TLN2: variants seen among roughly 807,000 people sequenced by gnomAD.
TLN2 encodes the protein talin 2, also known as talin-2.
TLN2 carries 118 observed loss-of-function variants against 294.7 expected under a neutral mutation model. That is an observed-to-expected ratio of 0.40 (90% confidence interval 0.34 to 0.47). The LOEUF (loss-of-function observed/expected upper bound fraction) is 0.47. Ranked by LOEUF, TLN2 falls within the 20% of genes least tolerant of loss-of-function variation. TLN2 has a pLI of 0.84. For synonymous variants in TLN2, 1,431 were observed against 1,304.5 expected, an observed-to-expected ratio of 1.10 and a Z score of -2.09; for missense variants, 3,083 against 3,282.2, an observed-to-expected ratio of 0.94 and a Z score of 1.48.
intron 1 of TLN2, among the ~76,000 whole-genome samples, chr15:62,500,302 C>G (rs1474204378): frequency 6.6e-6 from 1 of 152,176 alleles, no homozygotes; most frequent in Non-Finnish European, 1.5e-5. Context: ...TGCACCATTG[C>G]TCTCCAGCCT....
rs1258397380 is a variant in TLN2 at position 62,592,587 on chromosome 15, G to T, written c.-162+2825G>T. 2.0e-5 allele frequency among the ~76,000 whole-genome samples: 3 copies of T among 152,210 alleles called. No homozygotes were observed. In the East Asian group the frequency reaches 5.8e-4, roughly 29 times the overall value. ...TATAAAGTCTGAATAAATGCTAGGA[G>T]GAGCTTTTATTTTGACATAAACCAG... On this transcript the variant is annotated intron_variant, in intron 2 of 58. Transcript: ENST00000636159.
Position 62,707,148 on chromosome 15 carries a change from A to G in TLN2, c.2067A>G (p.Ala689=), listed in dbSNP as rs764171240. Residue 689 remains alanine (A), a synonymous_variant, in exon 20 of 59, where the codon GCA becomes GCG. Coordinates refer to ENST00000636159, the MANE Select transcript of TLN2 (RefSeq NM_015059.3). The part of the protein sequence containing the change: ...ANAAAMLVLK[A]KNVAQVAEDT... ...CAGCTGCCATGTTGGTACTAAAGGCAAAGAATGTTGCCCAAGTGGCCGAAG... is the reference window on the plus strand; with the variant it reads ...CAGCTGCCATGTTGGTACTAAAGGCGAAGAATGTTGCCCAAGTGGCCGAAG... 6.2e-6 allele frequency: 10 copies of G among 1,614,134 alleles called. No individual in the cohort carries two copies. In the Admixed American group the frequency reaches 1.7e-4, roughly 27 times the overall value.
At chr15:62,671,340 A>C (rs1484334694) in intron 9 of TLN2, among the ~76,000 whole-genome samples, 1 of 152,140 alleles carries the variant, frequency 6.6e-6, no homozygotes, top group Non-Finnish European at 1.5e-5. Flanking sequence ...ATTGTATCTA[A>C]AAACTCTTTG....
intron 2 of TLN2, among the ~76,000 whole-genome samples, chr15:62,609,621 G>A (rs1596331632): frequency 6.6e-6 from 1 of 152,278 alleles, no homozygotes; most frequent in East Asian, 1.9e-4. Flanking sequence ...CGTCGTTGGC[G>A]GGAATATCAC....
chr15:62,493,248 G>C (rs1475099931), intron 1 of TLN2, among the ~76,000 whole-genome samples: 2 of 152,262 alleles, frequency 1.3e-5, no homozygotes, highest in East Asian at 3.9e-4. Flanking sequence ...CCATGCTCCA[G>C]GTGCTTGTTG....
intron 1 of TLN2, chr15:62,476,433 C>G (rs2037788000): frequency 6.6e-6 from 1 of 152,232 alleles, no homozygotes; most frequent in Admixed American, 6.5e-5. Context: ...ATCTTCATTT[C>G]TACTTCGCAA....
At chr15:62,695,450 T>C (rs562157780) in intron 14 of TLN2, among the ~76,000 whole-genome samples, 3 of 152,234 alleles carry the variant, frequency 2.0e-5, no homozygotes, top group East Asian at 1.9e-4. Flanking sequence ...GATCTATCTT[T>C]CCCAGTCCAC....
At chr15:62,459,279 T>C (rs373932923) in intron 1 of TLN2, among the ~76,000 whole-genome samples, 22 of 147,824 alleles carry the variant, frequency 1.5e-4, no homozygotes, top group African/African-American at 5.5e-4. Context: ...GGATTACAGG[T>C]GTGAGCCACC....
At chr15:62,694,037 C>T (rs967094315) in intron 13 of TLN2, among the ~76,000 whole-genome samples, 2 of 143,998 alleles carry the variant, frequency 1.4e-5, no homozygotes, top group Non-Finnish European at 3.0e-5. Context: ...GGCGCTGTCT[C>T]GGCTCACTGC....
intron 3 of TLN2, among the ~76,000 whole-genome samples, chr15:62,645,849 C>T (rs1327366597): frequency 6.6e-6 from 1 of 152,144 alleles, no homozygotes; most frequent in Non-Finnish European, 1.5e-5. Flanking sequence ...CTATAAAGGG[C>T]CTTGTTTTGC....
chr15:62,498,376 T>C (rs17271765), intron 1 of TLN2, among the ~76,000 whole-genome samples: 24,125 of 152,122 alleles, frequency 0.16, 1,964 homozygotes, highest in Non-Finnish European at 0.18. Flanking sequence ...TAGTCACTGG[T>C]CAGTTCCCCA....
intron 32 of TLN2, among the ~76,000 whole-genome samples, chr15:62,745,560 G>A (rs1301616984): frequency 6.6e-6 from 1 of 151,958 alleles, no homozygotes; most frequent in Non-Finnish European, 1.5e-5. Context: ...TTTTAGAGGG[G>A]TAGGCCCATT....
intron 1 of TLN2, among the ~76,000 whole-genome samples, chr15:62,437,884 G>C (rs908279032): frequency 2.0e-5 from 3 of 152,086 alleles, no homozygotes; most frequent in Non-Finnish European, 4.4e-5. Flanking sequence ...GATTAACATA[G>C]TCATGAATCA....
At chr15:62,639,466 T>C (rs1176525236) in intron 3 of TLN2, among the ~76,000 whole-genome samples, 1 of 152,216 alleles carries the variant, frequency 6.6e-6, no homozygotes, top group African/African-American at 2.4e-5. Flanking sequence ...ACTTGAGTTT[T>C]AACGATAGTC....
chr15:62,594,991 G>C (rs1011088665), intron 2 of TLN2, among the ~76,000 whole-genome samples: 1 of 152,140 alleles, frequency 6.6e-6, no homozygotes, highest in Non-Finnish European at 1.5e-5. Flanking sequence ...AATCTGAATA[G>C]ACATTTCTCA....
At chr15:62,774,316 T>C (rs2063548240) in intron 42 of TLN2, among the ~76,000 whole-genome samples, 1 of 152,170 alleles carries the variant, frequency 6.6e-6, no homozygotes, top group East Asian at 1.9e-4. Context: ...CTGGTTTTTC[T>C]CTTGTGTGGT....
At chr15:62,708,840 G>A (rs2059239178) in intron 21 of TLN2, 44 bp downstream of exon 21, 1 of 1,556,408 alleles carries the variant, frequency 6.4e-7, no homozygotes, top group Non-Finnish European at 8.7e-7. Context: ...GGCTTTTGAT[G>A]TTCCTGATGG....
intron 3 of TLN2, among the ~76,000 whole-genome samples, chr15:62,633,142 C>T (rs764720051): frequency 2.6e-5 from 4 of 152,196 alleles, no homozygotes; most frequent in East Asian, 1.9e-4. Flanking sequence ...TGGTGCAGCA[C>T]GGTGGTATTA....
intron 52 of TLN2, among the ~76,000 whole-genome samples, chr15:62,813,624 G>A (rs578223708): frequency 3.9e-5 from 6 of 152,308 alleles, no homozygotes; most frequent in Admixed American, 2.6e-4. Flanking sequence ...CCAGCTCCAA[G>A]ATTAGGATCA....
Sources: gnomAD v4.1 joint callset for allele counts (sites outside exome capture counted in the v4.1 genomes callset) on GRCh38, gnomAD v4.1.1 for gene constraint, MANE v1.5 for transcripts, NCBI Gene and HGNC (gene_info 2026-07-23, HGNC 2026-07-21) for gene names.